CCDC6: variants seen among roughly 807,000 people sequenced by gnomAD.
The protein encoded by CCDC6 is coiled-coil domain containing 6.
CCDC6 carries 20 observed loss-of-function variants against 56.6 expected under a neutral mutation model. That is an observed-to-expected ratio of 0.35 (90% CI 0.25 to 0.51). The LOEUF (loss-of-function observed/expected upper bound fraction) is 0.51, where lower values mean the gene tolerates loss of function less well. Among genes scored for constraint, CCDC6 ranks in the 20% least tolerant of loss-of-function variants. CCDC6 has a pLI of 0.95. For missense variants in CCDC6, 367 were observed against 601.1 expected (o/e 0.61, Z 4.07); for synonymous variants, 241 against 234.4 (o/e 1.03, Z -0.26).
At position 59,905,197 on chromosome 10, in the gene CCDC6, G is replaced by T. The variant is rs71495615; in HGVS notation, c.303+925C>A. Reference sequence around the variant, plus strand: ...AGTGTACTTTTTCTAGTTACGTTTCGCCTCATCACTGCTATAGGGGCCTTT... The same window carrying T: ...AGTGTACTTTTTCTAGTTACGTTTCTCCTCATCACTGCTATAGGGGCCTTT... On this transcript the variant is annotated intron_variant, in intron 1 of 8. Coordinates refer to ENST00000263102, the MANE Select transcript of CCDC6 (RefSeq NM_005436.5). Among the ~76,000 whole-genome samples the T allele has an allele frequency of 1.3e-3, 198 of 152,142 alleles. 1 individual carries two copies. The highest frequency in any genetic ancestry group is 0.01 in the Middle Eastern group (3 of 294).
chr10:59,896,606 A>G (rs1258585082), intron 1 of CCDC6, among the ~76,000 whole-genome samples: 2 of 152,102 alleles, frequency 1.3e-5, no homozygotes, highest in African/African-American at 4.8e-5. Context: ...AAAAACAAAC[A>G]AAAACAAGAA....
chr10:59,858,199 CAAG>C (rs1261120183), intron 1 of CCDC6, among the ~76,000 whole-genome samples: 1 of 152,140 alleles, frequency 6.6e-6, no homozygotes, highest in East Asian at 1.9e-4. Context: ...TTAGAAGAAG[CAAG>C]AAGAGGATTT....
chr10:59,840,445 T>C (rs1192385341), intron 2 of CCDC6, among the ~76,000 whole-genome samples: 1 of 152,250 alleles, frequency 6.6e-6, no homozygotes, highest in Non-Finnish European at 1.5e-5. Flanking sequence ...CTGTGGTTCA[T>C]CCTTGCGTTT....
chr10:59,804,584 TAAGAGA>T lies in CCDC6; in HGVS notation c.1005-70_1005-65del, dbSNP rs2070604812. ...TTTAAATAGGCCTTAGGAGAGTTTT[TAAGAGA>T]AAATGTTTGGGGTTCACACCTTGAG... On this transcript the variant is annotated intron_variant, in intron 6 of 8. Transcript: ENST00000263102. 11 of 906,652 alleles carry T rather than the reference TAAGAGA, an allele frequency of 1.2e-5. No homozygotes were observed. The Admixed American group carries it at 2.0e-4, about 16-fold the overall frequency. The allele number at this position is 906,652 out of a possible 1,614,324, so 56.2% of individuals were successfully genotyped here.
chr10:59,814,077 T>C (rs1240280061), intron 4 of CCDC6, among the ~76,000 whole-genome samples: 1 of 152,156 alleles, frequency 6.6e-6, no homozygotes, highest in Non-Finnish European at 1.5e-5. Flanking sequence ...TGCTTGAAAA[T>C]AAGGGCTTAA....
chr10:59,851,131 GAAAAAAAAAAAA>G (rs372606692), intron 2 of CCDC6, among the ~76,000 whole-genome samples: 10 of 46,754 alleles, frequency 2.1e-4, no homozygotes, highest in Admixed American at 6.1e-4. Context: ...CATGTAAATT[GAAAAAAAAAAAA>G]AAAAAAAAAA....
intron 1 of CCDC6, among the ~76,000 whole-genome samples, chr10:59,854,064 G>A (rs1230321284): frequency 6.6e-6 from 1 of 152,026 alleles, no homozygotes; most frequent in Non-Finnish European, 1.5e-5. Context: ...TCAAATCAAG[G>A]GAGGAAGAGC....
chr10:59,870,093 C>A (rs1048156194), intron 1 of CCDC6, among the ~76,000 whole-genome samples: 2 of 152,148 alleles, frequency 1.3e-5, no homozygotes, highest in Admixed American at 6.6e-5. Flanking sequence ...ACAGAGATAT[C>A]TTTTTACTGT....
intron 1 of CCDC6, among the ~76,000 whole-genome samples, chr10:59,868,247 G>A (rs923641471): frequency 6.6e-6 from 1 of 152,122 alleles, no homozygotes; most frequent in African/African-American, 2.4e-5. Flanking sequence ...CTGAGTTTTG[G>A]GGTAAATGAA....
chr10:59,846,028 G>A lies in CCDC6; in HGVS notation c.453+6525C>T, dbSNP rs796995839. ...TGGCTTCGGAAACTTGAAGGGGAGCGAGGGTGAAGAGGATGCTTCAGATTC... is the reference window on the plus strand; with the variant it reads ...TGGCTTCGGAAACTTGAAGGGGAGCAAGGGTGAAGAGGATGCTTCAGATTC... On this transcript the variant is annotated intron_variant, in intron 2 of 8. Transcript: ENST00000263102. Among the ~76,000 whole-genome samples, 19 of 152,294 alleles carry A rather than the reference G, an allele frequency of 1.2e-4. 1 individual carries two copies. Among genetic ancestry groups the A allele is most frequent in the African/African-American group, 3.1e-4 (13 of 41,572 alleles).
At chr10:59,822,272 TATC>T (rs1388945880) in intron 3 of CCDC6, among the ~76,000 whole-genome samples, 1 of 152,236 alleles carries the variant, frequency 6.6e-6, no homozygotes, top group Non-Finnish European at 1.5e-5. Context: ...TTTCATAACT[TATC>T]AGTTCAATAA....
intron 1 of CCDC6, among the ~76,000 whole-genome samples, chr10:59,867,311 C>T (rs1042026009): frequency 6.6e-6 from 1 of 152,136 alleles, no homozygotes; most frequent in East Asian, 1.9e-4. Flanking sequence ...CTGATTCAGG[C>T]CATGATGGAA....
intron 7 of CCDC6, among the ~76,000 whole-genome samples, chr10:59,800,464 T>C (rs965604259): frequency 6.6e-6 from 1 of 152,236 alleles, no homozygotes; most frequent in Non-Finnish European, 1.5e-5. Context: ...TCCATCCAAA[T>C]TGTTCTAAGT....
intron 2 of CCDC6, among the ~76,000 whole-genome samples, chr10:59,848,752 C>A (rs1274159365): frequency 1.3e-5 from 2 of 152,194 alleles, no homozygotes; most frequent in Non-Finnish European, 2.9e-5. Context: ...CTCACTCTAT[C>A]CCCCAGGCTG....
At chr10:59,882,939 G>T (rs547859488) in intron 1 of CCDC6, among the ~76,000 whole-genome samples, 1 of 151,664 alleles carries the variant, frequency 6.6e-6, no homozygotes, top group Admixed American at 6.6e-5. Context: ...CAGCCTGGGC[G>T]ACAGAGCAAG....
At chr10:59,828,915 G>C (rs1427210033) in intron 3 of CCDC6, among the ~76,000 whole-genome samples, 1 of 152,138 alleles carries the variant, frequency 6.6e-6, no homozygotes. Flanking sequence ...CAACATCTTG[G>C]ACTTCTAGCT....
Position 59,812,616 on chromosome 10 carries a change from G to A in CCDC6, c.847+19C>T, listed in dbSNP as rs2070682486. The A allele has an allele frequency of 6.3e-7, 1 of 1,581,294 alleles. No homozygotes were observed. On this transcript the variant is annotated intron_variant, in intron 5 of 8. Transcript: ENST00000263102. Reference sequence around the variant, plus strand: ...TTAATTCTACAGGCATGAAACTAGTGAAACCAGAGGCTACGTACGCTGTAA... The same window carrying A: ...TTAATTCTACAGGCATGAAACTAGTAAAACCAGAGGCTACGTACGCTGTAA...
chr10:59,898,714 A>G lies in CCDC6; in HGVS notation c.303+7408T>C, dbSNP rs1247562857. Among the ~76,000 whole-genome samples the G allele has an allele frequency of 2.6e-5, 4 of 152,234 alleles. 1 individual carries two copies. The East Asian group carries it at 7.7e-4, about 29-fold the overall frequency. On this transcript the variant is annotated intron_variant, in intron 1 of 8. Coordinates refer to ENST00000263102, the MANE Select transcript of CCDC6 (RefSeq NM_005436.5). ...TTTTGGATATTTGTATCCAGCACAC[A>G]GTATTATAAGCACTTGACAGCTGAA...
rs2070697374 is a variant in CCDC6 at position 59,814,579 on chromosome 10, T to C, written c.686+73A>G. The C allele has an allele frequency of 5.6e-6, 5 of 892,788 alleles. No individual in the cohort carries two copies. The Admixed American group carries it at 9.3e-5, about 17-fold the overall frequency. 55.3% of individuals were successfully genotyped at this position (892,788 alleles called of 1,614,324 possible). On this transcript the variant is annotated intron_variant, in intron 4 of 8. Transcript: ENST00000263102. ...AATTAAGGTGTCCTACTGCTATTCC[T>C]CAGTCACACCCAGAGCAGCAACACA...
Sources: gnomAD v4.1 joint callset for allele counts (sites outside exome capture counted in the v4.1 genomes callset) on GRCh38, gnomAD v4.1.1 for gene constraint, MANE v1.5 for transcripts, NCBI Gene and HGNC (gene_info 2026-07-23, HGNC 2026-07-21) for gene names.